Variants in PRELID2 observed in about 807,000 individuals in gnomAD.
PRELID2 encodes PRELI domain containing 2, also known as PRELI domain-containing protein 2.
Under a neutral mutation model 28.4 loss-of-function variants are expected in PRELID2, and 25 were observed. That is an observed-to-expected ratio of 0.88 (90% CI 0.64 to 1.23). PRELID2 has a LOEUF of 1.23. Among genes scored for constraint, PRELID2 ranks in the 50% most tolerant of loss-of-function variants. The probability of loss-of-function intolerance (pLI) is 0.00; values close to 1 mark genes in which losing one functional copy is unlikely to be tolerated. For synonymous variants in PRELID2, 76 were observed against 71.6 expected (o/e 1.06, Z -0.31); for missense variants, 201 against 214.4 (o/e 0.94, Z 0.39).
chr5:145,813,458 T>A (rs1260271009), intron 4 of PRELID2, among the ~76,000 whole-genome samples: 3 of 152,194 alleles, frequency 2.0e-5, no homozygotes, highest in Non-Finnish European at 4.4e-5. Flanking sequence ...GGCTGCTTGT[T>A]GCTGAAGGGA....
At chr5:145,730,071 C>T (rs1332702211) in intron 1 of PRELID2, among the ~76,000 whole-genome samples, 1 of 152,126 alleles carries the variant, frequency 6.6e-6, no homozygotes, top group Non-Finnish European at 1.5e-5. Flanking sequence ...CAAGTCTAGA[C>T]ACATTCCAGA....
At chr5:145,399,588 G>C in the PRELID2 span, among the ~76,000 whole-genome samples, 1 of 151,984 alleles carries the variant, frequency 6.6e-6, no homozygotes, top group Admixed American at 6.6e-5. Context: ...TATAGATATA[G>C]AATTCTATTT....
intron 1 of PRELID2, among the ~76,000 whole-genome samples, chr5:145,570,322 T>C (rs1349339396): frequency 6.6e-6 from 1 of 152,148 alleles, no homozygotes; most frequent in Non-Finnish European, 1.5e-5. Context: ...TTTTCCACTA[T>C]GACGTGAATA....
At chr5:145,688,787 G>A (rs1755088015) in intron 1 of PRELID2, among the ~76,000 whole-genome samples, 1 of 152,158 alleles carries the variant, frequency 6.6e-6, no homozygotes, top group South Asian at 2.1e-4. Flanking sequence ...TCAGGCAGGA[G>A]GCAAAGGTAT....
At chr5:145,648,433 A>T (rs71594510) in intron 1 of PRELID2, among the ~76,000 whole-genome samples, 1 of 151,788 alleles carries the variant, frequency 6.6e-6, no homozygotes, top group Admixed American at 6.6e-5. Flanking sequence ...TAATAAAATA[A>T]CAAAACTTTA....
At chr5:145,348,758 A>C in the PRELID2 span, among the ~76,000 whole-genome samples, 1 of 152,062 alleles carries the variant, frequency 6.6e-6, no homozygotes, top group Non-Finnish European at 1.5e-5. Flanking sequence ...TTTCTTGCAA[A>C]TTTGACTCCA....
At chr5:145,411,890 C>G in the PRELID2 span, among the ~76,000 whole-genome samples, 1 of 152,310 alleles carries the variant, frequency 6.6e-6, no homozygotes, top group East Asian at 1.9e-4. Flanking sequence ...CTCAATACCA[C>G]GTGGAAGCCG....
the PRELID2 span, among the ~76,000 whole-genome samples, chr5:145,462,045 C>T: frequency 4.4e-3 from 671 of 152,278 alleles, 9 homozygotes; most frequent in African/African-American, 0.016. Context: ...GAATTATTGC[C>T]ATTCTGGAGT....
the PRELID2 span, among the ~76,000 whole-genome samples, chr5:145,457,140 C>G: frequency 1.3e-5 from 2 of 152,058 alleles, no homozygotes. Context: ...AGTCTTGATT[C>G]TTTTCCTTTT....
At chr5:145,262,759 A>G in the PRELID2 span, among the ~76,000 whole-genome samples, 22 of 152,172 alleles carry the variant, frequency 1.4e-4, no homozygotes, top group African/African-American at 5.3e-4. Context: ...CACAGGATCT[A>G]TGAAAGAATA....
At chr5:145,310,955 A>G in the PRELID2 span, among the ~76,000 whole-genome samples, 3 of 151,068 alleles carry the variant, frequency 2.0e-5, no homozygotes, top group East Asian at 1.9e-4. Flanking sequence ...CTCCATACCA[A>G]CTCTTCATAT....
chr5:145,731,457 TAG>T (rs1449858102), intron 1 of PRELID2, among the ~76,000 whole-genome samples: 1 of 152,196 alleles, frequency 6.6e-6, no homozygotes, highest in East Asian at 1.9e-4. Flanking sequence ...TCCAAATTGT[TAG>T]AGAGTACGAC....
the PRELID2 span, among the ~76,000 whole-genome samples, chr5:145,307,647 A>G: frequency 8.5e-4 from 130 of 152,286 alleles, 1 homozygote; most frequent in African/African-American, 3.0e-3. Flanking sequence ...GAGGTCGAGT[A>G]TTCAGGTCAT....
At chr5:145,339,791 C>T in the PRELID2 span, among the ~76,000 whole-genome samples, 2 of 151,954 alleles carry the variant, frequency 1.3e-5, no homozygotes, top group Non-Finnish European at 2.9e-5. Flanking sequence ...AAAGGCAAGC[C>T]CTCAACTGGC....
In PRELID2 at chr5:145,776,905, T is replaced by C. The variant is rs190998429; in HGVS notation, c.475-11905A>G. Among the ~76,000 whole-genome samples, 205 of 152,332 alleles carry C rather than the reference T, an allele frequency of 1.3e-3. 1 individual carries two copies. Among genetic ancestry groups the C allele is most frequent in the Non-Finnish European group, 2.1e-4 (14 of 68,030 alleles). ...CCAAATCTACCATCTGTCTTTAATG[T>C]TAAACAGTTTAATAAAATTATTCCT... On this transcript the variant is annotated intron_variant, in intron 5 of 6. Transcript: ENST00000683046.
chr5:145,498,667 T>TA (rs1167261614), intron 1 of PRELID2, among the ~76,000 whole-genome samples: 2 of 152,164 alleles, frequency 1.3e-5, no homozygotes, highest in South Asian at 2.1e-4. Flanking sequence ...TAGCTGGGAC[T>TA]AGAGGCATGC....
At chr5:145,253,829 TAAAAAAAAC>T in the PRELID2 span, among the ~76,000 whole-genome samples, 58 of 148,866 alleles carry the variant, frequency 3.9e-4, no homozygotes, top group South Asian at 0.011. Context: ...GAGTGAGATC[TAAAAAAAAC>T]AAAAAAAACA....
In PRELID2 at chr5:145,835,234, A is replaced by G. The variant is rs1367603078; in HGVS notation, c.18T>C (p.Asp6=). 1 of 1,547,960 alleles carries G rather than the reference A, an allele frequency of 6.5e-7. No individual in the cohort carries two copies. The highest frequency in any genetic ancestry group is 2.5e-5 in the East Asian group (1 of 40,712). Reference sequence around the variant, plus strand: ...AGGGGTACTTGTACACCTGGTGCACATCCACCGAGACCCCCATCCCCGCGC... The same window carrying G: ...AGGGGTACTTGTACACCTGGTGCACGTCCACCGAGACCCCCATCCCCGCGC... The part of the protein sequence containing the change: MGVSV[D]VHQVYKYPFE... The change falls in exon 1 of 7, where the codon GAT becomes GAC. Residue 6 remains aspartate, a synonymous_variant. Coordinates refer to ENST00000683046, the MANE Select transcript of PRELID2 (RefSeq NM_205846.3).
At chr5:145,596,906 G>A (rs1027522061) in intron 1 of PRELID2, among the ~76,000 whole-genome samples, 1 of 151,940 alleles carries the variant, frequency 6.6e-6, no homozygotes. Context: ...GTCCTGATTT[G>A]ACCCCCAACA....
Sources: gnomAD v4.1 joint callset for allele counts (sites outside exome capture counted in the v4.1 genomes callset) on GRCh38, gnomAD v4.1.1 for gene constraint, MANE v1.5 for transcripts, NCBI Gene and HGNC (gene_info 2026-07-23, HGNC 2026-07-21) for gene names.